B3GALNT2: variants seen among roughly 807,000 people sequenced by gnomAD.
B3GALNT2 encodes the protein UDP-GalNAc:beta-1,3-N-acetylgalactosaminyltransferase 2.
A neutral mutation model predicts 61.1 loss-of-function variants in B3GALNT2; 53 were observed. The observed-to-expected ratio is 0.87, with a 90% CI of 0.70 to 1.09. The LOEUF (loss-of-function observed/expected upper bound fraction) is 1.09. Ranked by LOEUF, B3GALNT2 falls within the 50% of genes least tolerant of loss-of-function variation. The pLI is 0.00. For synonymous variants in B3GALNT2, 223 were observed against 237.4 expected, an observed-to-expected ratio of 0.94 and a Z score of 0.56; for missense variants, 544 against 623.0, an observed-to-expected ratio of 0.87 and a Z score of 1.35.
chr1:235,502,905 T>G (rs1327147257), intron 1 of B3GALNT2, among the ~76,000 whole-genome samples: 1 of 152,186 alleles, frequency 6.6e-6, no homozygotes, highest in Non-Finnish European at 1.5e-5. Context: ...TAAAAAACAC[T>G]GAGCAAAACC....
At chr1:235,440,777 G>A in the B3GALNT2 span, 3 of 151,492 alleles carry the variant, frequency 2.0e-5, no homozygotes, top group Non-Finnish European at 4.4e-5. Context: ...GTAAGCTCTC[G>A]TCCCGAGGGC....
intron 3 of B3GALNT2, among the ~76,000 whole-genome samples, chr1:235,487,973 A>T (rs1684881798): frequency 6.6e-6 from 1 of 151,948 alleles, no homozygotes; most frequent in South Asian, 2.1e-4. Flanking sequence ...TTTTTCAGAC[A>T]TGGGAGCTCA....
chr1:235,499,526 C>A (rs1685491768), intron 1 of B3GALNT2, among the ~76,000 whole-genome samples: 1 of 152,152 alleles, frequency 6.6e-6, no homozygotes, highest in South Asian at 2.1e-4. Context: ...AGGACTAAAT[C>A]ACAATCCCAA....
intron 5 of B3GALNT2, among the ~76,000 whole-genome samples, chr1:235,477,797 G>T (rs1199847465): frequency 6.6e-6 from 1 of 152,152 alleles, no homozygotes; most frequent in Non-Finnish European, 1.5e-5. Flanking sequence ...TAAAGAATAG[G>T]ACCCCCTCAA....
chr1:235,448,458 A>G lies in B3GALNT2; in HGVS notation c.*1748T>C, dbSNP rs1682622004. ...GTCCCAAAGTAAGTTGCCCAGCAAAATACAAAGTCAAAGTCAAGCTTAGTC... is the reference window on the plus strand; with the variant it reads ...GTCCCAAAGTAAGTTGCCCAGCAAAGTACAAAGTCAAAGTCAAGCTTAGTC... On this transcript the variant is annotated 3_prime_UTR_variant, in exon 12 of 12. Coordinates refer to ENST00000366600, the MANE Select transcript of B3GALNT2 (RefSeq NM_152490.5). 3 of 1,610,874 alleles carry G rather than the reference A, an allele frequency of 1.9e-6. No homozygotes were observed. Among genetic ancestry groups the G allele is most frequent in the Non-Finnish European group, 2.5e-6 (3 of 1,177,146 alleles).
At chr1:235,450,440 T>G (rs1682829715) in intron 11 of B3GALNT2, 100 bp from the exon 12 acceptor site, 1 of 1,382,688 alleles carries the variant, frequency 7.2e-7, no homozygotes, top group Non-Finnish European at 1.0e-6. Context: ...CTAATGATGC[T>G]GAAATTATTT....
chr1:235,443,809 T>C (rs1572451808), downstream of B3GALNT2, among the ~76,000 whole-genome samples: 1 of 152,200 alleles, frequency 6.6e-6, no homozygotes, highest in Non-Finnish European at 1.5e-5. Flanking sequence ...CTTAAAAAAA[T>C]TGTGGTACTG....
At position 235,484,516 on chromosome 1, in the gene B3GALNT2, C is replaced by T; in HGVS notation, c.362-1G>A. On this transcript the variant is annotated splice_acceptor_variant, in intron 3 of 11. Transcript: ENST00000366600. LOFTEE classifies it high-confidence loss of function. ...AACGCTTCAATTTCCTGATTCAAAA[C>T]TAAGTAATGAGAACAGGTTTATATA... 6.2e-7 allele frequency: 1 copy of T among 1,613,818 alleles called. No individual in the cohort carries two copies. The highest frequency in any genetic ancestry group is 8.5e-7 in the Non-Finnish European group (1 of 1,179,846).
intron 7 of B3GALNT2, among the ~76,000 whole-genome samples, chr1:235,462,218 A>T (rs1683472734): frequency 6.6e-6 from 1 of 152,234 alleles, no homozygotes; most frequent in Admixed American, 6.5e-5. Flanking sequence ...TTGTAACAAC[A>T]GGAGTGCAGA....
At chr1:235,490,797 T>A (rs1288140103) in intron 2 of B3GALNT2, among the ~76,000 whole-genome samples, 1 of 152,050 alleles carries the variant, frequency 6.6e-6, no homozygotes, top group Non-Finnish European at 1.5e-5. Context: ...TTTACTATTA[T>A]GTTCTTGAGA....
In B3GALNT2 at chr1:235,455,703, TAAG is replaced by T. The variant is rs1558409236; in HGVS notation, c.1026-22_1026-20del. The T allele has an allele frequency of 1.9e-6, 3 of 1,602,508 alleles. No homozygotes were observed. The highest frequency in any genetic ancestry group is 4.5e-5 in the East Asian group (2 of 44,808). ...CACAGTCCTGTTGACACAAAAGGGATAAGAAAGTCAGTGCGACCAAACAAACAA... is the reference window on the plus strand; with the variant it reads ...CACAGTCCTGTTGACACAAAAGGGATAAAGTCAGTGCGACCAAACAAACAA... On this transcript the variant is annotated intron_variant, in intron 8 of 11. Transcript: ENST00000366600.
intron 7 of B3GALNT2, among the ~76,000 whole-genome samples, chr1:235,460,010 C>T (rs1416036256): frequency 1.3e-5 from 2 of 152,068 alleles, no homozygotes; most frequent in African/African-American, 2.4e-5. Flanking sequence ...GCCAGCTGGT[C>T]TCGAACTCCT....
In B3GALNT2 at chr1:235,448,704, T is replaced by G; in HGVS notation, c.*1502A>C. The G allele has an allele frequency of 1.9e-6, 3 of 1,614,146 alleles. No homozygotes were observed. Among genetic ancestry groups the G allele is most frequent in the Non-Finnish European group, 2.5e-6 (3 of 1,179,988 alleles). ...AGAGAAATCGAGCTGGAAAATGACC[T>G]AAAGTCATTACAGTTTTATTCTGTG... On this transcript the variant is annotated 3_prime_UTR_variant, in exon 12 of 12. Coordinates refer to ENST00000366600, the MANE Select transcript of B3GALNT2 (RefSeq NM_152490.5).
chr1:235,493,771 A>G lies in B3GALNT2; in HGVS notation c.260+910T>C, dbSNP rs868031093. Reference sequence around the variant, plus strand: ...TTAGCTTGAGCGACAGCAAAACTCCATCTCAAAAAAAAAAAAAATTCACAA... The same window carrying G: ...TTAGCTTGAGCGACAGCAAAACTCCGTCTCAAAAAAAAAAAAAATTCACAA... On this transcript the variant is annotated intron_variant, in intron 2 of 11. Coordinates refer to ENST00000366600, the MANE Select transcript of B3GALNT2 (RefSeq NM_152490.5). 3.3e-5 allele frequency among the ~76,000 whole-genome samples: 5 copies of G among 151,928 alleles called. No individual in the cohort carries two copies. In the South Asian group the frequency reaches 6.2e-4, roughly 19 times the overall value.
chr1:235,455,137 A>ATTG (rs34262870), intron 9 of B3GALNT2, among the ~76,000 whole-genome samples: 19,384 of 151,962 alleles, frequency 0.13, 1,581 homozygotes, highest in African/African-American at 0.23. Flanking sequence ...TATTATTATT[A>ATTG]TTAAGACAGG....
chr1:235,488,145 G>A (rs1379988575), intron 3 of B3GALNT2, among the ~76,000 whole-genome samples: 1 of 151,968 alleles, frequency 6.6e-6, no homozygotes, highest in Non-Finnish European at 1.5e-5. Flanking sequence ...TTCTTTTACA[G>A]AAATAAATTA....
intron 5 of B3GALNT2, among the ~76,000 whole-genome samples, chr1:235,472,883 C>T (rs556527280): frequency 2.0e-5 from 3 of 152,156 alleles, no homozygotes; most frequent in Admixed American, 6.6e-5. Context: ...TCCCTCTGCA[C>T]AGAGTGATAT....
rs1376699677 is a variant in B3GALNT2, at chr1:235,449,085, A to G, written c.*1121T>C. 4.9e-5 allele frequency: 15 copies of G among 304,474 alleles called. No individual in the cohort carries two copies. The highest frequency in any genetic ancestry group is 4.1e-4 in the South Asian group (14 of 33,936). The allele number at this position is 304,474 out of a possible 1,614,324, so 18.9% of individuals were successfully genotyped here. On this transcript the variant is annotated 3_prime_UTR_variant, in exon 12 of 12. Coordinates refer to ENST00000366600, the MANE Select transcript of B3GALNT2 (RefSeq NM_152490.5). The stretch of plus-strand genomic sequence containing the variant: ...GCCTAATAAAATCTGAACACAGTTA[A>G]TATCTGTCATAAGACTAGTTTTAAT...
intron 7 of B3GALNT2, among the ~76,000 whole-genome samples, chr1:235,462,293 G>A (rs1049456934): frequency 6.6e-6 from 1 of 152,126 alleles, no homozygotes; most frequent in African/African-American, 2.4e-5. Context: ...TGAAAAATAT[G>A]AGCATAAATT....
Sources: gnomAD v4.1 joint callset for allele counts (sites outside exome capture counted in the v4.1 genomes callset) on GRCh38, gnomAD v4.1.1 for gene constraint, MANE v1.5 for transcripts, NCBI Gene and HGNC (gene_info 2026-07-23, HGNC 2026-07-21) for gene names.